The following ITGA5 variants were observed in gnomAD, a reference collection of about 807,000 sequenced individuals.
ITGA5 encodes the protein integrin subunit alpha 5, also known as integrin alpha-5.
Under a neutral mutation model 146.3 loss-of-function variants are expected in ITGA5, and 55 were observed. That is an observed-to-expected ratio of 0.38 (90% CI 0.30 to 0.47). The LOEUF (loss-of-function observed/expected upper bound fraction) is 0.47, where lower values mean the gene tolerates loss of function less well. Among genes scored for constraint, ITGA5 ranks in the 20% least tolerant of loss-of-function variants. The pLI is 0.99. For missense variants in ITGA5, 1,131 were observed against 1,329.0 expected (o/e 0.85, Z 2.32); for synonymous variants, 500 against 531.8 (o/e 0.94, Z 0.82).
Position 54,403,957 on chromosome 12 carries a change from A to G in ITGA5, c.1575T>C (p.Leu525=), listed in dbSNP as rs375671275. 1 of 1,614,198 alleles carries G rather than the reference A, an allele frequency of 6.2e-7. No homozygotes were observed. The highest frequency in any genetic ancestry group is 1.1e-5 in the South Asian group (1 of 91,090). ...TTCCAGAAGCATTGAGGCAGAAGCT[A>G]AGGTTGATGCTGGAGAGAGACCAAG... ...LEGNPVACIN[L]SFCLNASGKH... Residue 525 remains leucine (L), a synonymous_variant, in exon 16 of 30, where the codon CTT becomes CTC. Transcript: ENST00000293379. The surrounding 1 kb of genome is among the most constrained non-coding windows in gnomAD (Gnocchi z 4.9).
chr12:54,401,024 AGAAG>A lies in ITGA5; in HGVS notation c.2494-33_2494-30del, dbSNP rs1420791511. ...AGGAGGGAAGAGCACAATCATCATG[AGAAG>A]GAAGGGAATGCTTCTGCCCCATTGA... On this transcript the variant is annotated intron_variant, in intron 24 of 29. Transcript: ENST00000293379. The surrounding 1 kb of genome is among the most constrained non-coding windows in gnomAD (Gnocchi z 5.0). The A allele has an allele frequency of 1.2e-6, 2 of 1,608,548 alleles. No homozygotes were observed. Among genetic ancestry groups the A allele is most frequent in the Admixed American group, 1.7e-5 (1 of 59,282 alleles).
chr12:54,406,086 A>G (rs1005496839), intron 9 of ITGA5, 160 bp from the exon 10 acceptor site: 2 of 657,608 alleles, frequency 3.0e-6, no homozygotes, highest in Non-Finnish European at 5.5e-6. Context: ...TCCCACCTCT[A>G]TGCCAGGTAG....
chr12:54,405,334 G>A lies in ITGA5; in HGVS notation c.1057C>T (p.Arg353Trp). ...LLVGAPLLMD[R>W]TPDGRPQEVG... ...TCCTGAGGCCGCCCGTCAGGGGTCC[G>A]ATCCATGAGCAGGGGTGCCCCCACC... Residue 353 changes from arginine to tryptophan, a missense_variant, in exon 12 of 30, where the codon CGG (arginine) becomes TGG (tryptophan). Around this residue, in one of 3 missense-constraint regions of ITGA5, gnomAD observed 889 missense variants for 1,021.5 expected, o/e 0.87. Transcript: ENST00000293379. 5 of 1,611,982 alleles carry A rather than the reference G, an allele frequency of 3.1e-6. No homozygotes were observed. Among genetic ancestry groups the A allele is most frequent in the Non-Finnish European group, 3.4e-6 (4 of 1,179,636 alleles).
intron 1 of ITGA5, among the ~76,000 whole-genome samples, chr12:54,415,896 T>C (rs1592294937): frequency 6.6e-6 from 1 of 152,236 alleles, no homozygotes; most frequent in Non-Finnish European, 1.5e-5. Flanking sequence ...GAGCTGAGAC[T>C]GGCCTGCCTC....
At chr12:54,404,321 C>T (rs1374622432) in intron 14 of ITGA5, 75 bp from the exon 15 acceptor site, 46 of 1,564,084 alleles carry the variant, frequency 2.9e-5, no homozygotes, top group African/African-American at 1.1e-4. Flanking sequence ...GATGCCCAAG[C>T]GCCAGAATGT....
chr12:54,401,718 G>A lies in ITGA5; in HGVS notation c.2307-53C>T, dbSNP rs1226887017. ...CTGGAGTGCAGCCAGTGAGAATGGC[G>A]CCCAGCCCTCCCTTCCGTCCCCAGC... is the stretch of plus-strand genomic sequence containing the variant. On this transcript the variant is annotated intron_variant, in intron 22 of 29. Coordinates refer to ENST00000293379, the MANE Select transcript of ITGA5 (RefSeq NM_002205.5). This position sits in a 1 kb window ranked among gnomAD's most constrained non-coding sequence, Gnocchi z 5.0. 25 of 1,609,192 alleles carry A rather than the reference G, an allele frequency of 1.6e-5. No homozygotes were observed. The highest frequency in any genetic ancestry group is 1.6e-4 in the Middle Eastern group (1 of 6,072).
At chr12:54,407,955 C>A in intron 7 of ITGA5, 79 bp from the exon 8 acceptor site, 1 of 1,519,618 alleles carries the variant, frequency 6.6e-7, no homozygotes. Flanking sequence ...AATCCCTTCC[C>A]CACCCCTACT....
rs555285728 is a variant in ITGA5, at chr12:54,395,355, AG to A, written c.*937del. ...GGGTGTCTGGTGCCAAGGTGAGGGA[AG>A]GGTTGGGCAGAGAGATGAGGGGCAG... is the stretch of plus-strand genomic sequence containing the variant. On this transcript the variant is annotated 3_prime_UTR_variant, in exon 30 of 30. Transcript: ENST00000293379. 4 of 152,670 alleles carry A rather than the reference AG, an allele frequency of 2.6e-5. No individual in the cohort carries two copies. The highest frequency in any genetic ancestry group is 5.9e-5 in the Non-Finnish European group (4 of 68,070). The allele number at this position is 152,670 out of a possible 1,614,324, so 9.5% of individuals were successfully genotyped here. A position where few individuals can be genotyped will look rare whatever the true frequency, so the allele number is the denominator to read the frequency against.
intron 25 of ITGA5, 74 bp downstream of exon 25, chr12:54,400,772 C>A (rs1955775104): frequency 1.3e-6 from 2 of 1,497,966 alleles, no homozygotes; most frequent in South Asian, 1.2e-5. Flanking sequence ...AGGCCCCCAG[C>A]AACCTTCCCC....
chr12:54,412,072 T>C (rs1441807915), intron 1 of ITGA5, 108 bp from the exon 2 acceptor site: 2 of 818,030 alleles, frequency 2.4e-6, no homozygotes, highest in Non-Finnish European at 3.6e-6. Context: ...GGGGGTGGAG[T>C]AGATGCCCCC....
intron 6 of ITGA5, among the ~76,000 whole-genome samples, 199 bp downstream of exon 6, chr12:54,408,557 C>T (rs2120534377): frequency 6.6e-6 from 1 of 152,068 alleles, no homozygotes; most frequent in Non-Finnish European, 1.5e-5. Flanking sequence ...GAAACCCCTT[C>T]TCTACTAAAA....
Position 54,399,739 on chromosome 12 carries a change from C to T in ITGA5, c.2747G>A (p.Cys916Tyr). 1 of 1,614,184 alleles carries T rather than the reference C, an allele frequency of 6.2e-7. No individual in the cohort carries two copies. The highest frequency in any genetic ancestry group is 8.5e-7 in the Non-Finnish European group (1 of 1,180,010). Residue 916 changes from cysteine (C) to tyrosine (Y), a missense_variant, in exon 27 of 30, where the codon TGT (cysteine) becomes TAT (tyrosine). Cys to Tyr is a radical substitution (Grantham distance 194, BLOSUM62 -2). Coordinates refer to ENST00000293379, the MANE Select transcript of ITGA5 (RefSeq NM_002205.5). ...PQILKCPEAE[C>Y]FRLRCELGPL... ...CCCGAGCTCACAGCGCAGCCTGAAACACTCAGCCTCCGGGCATTTCTAGGA... is the reference window on the plus strand; with the variant it reads ...CCCGAGCTCACAGCGCAGCCTGAAATACTCAGCCTCCGGGCATTTCTAGGA...
rs372592237 is a variant in ITGA5 at position 54,396,879 on chromosome 12, T to C, written c.3066+486A>G. Among the ~76,000 whole-genome samples, 113 of 152,098 alleles carry C rather than the reference T, an allele frequency of 7.4e-4. 4 individuals carry two copies. The South Asian group carries it at 0.022, about 30-fold the overall frequency. On this transcript the variant is annotated intron_variant, in intron 29 of 29. Coordinates refer to ENST00000293379, the MANE Select transcript of ITGA5 (RefSeq NM_002205.5). ...TTGTGTTTTTTTTGTAGAGACAAGGTCCTAGTGTGTTACCCAGGCTGGTCT... is the reference window on the plus strand; with the variant it reads ...TTGTGTTTTTTTTGTAGAGACAAGGCCCTAGTGTGTTACCCAGGCTGGTCT...
intron 25 of ITGA5, chr12:54,400,365 C>A (rs563657467): frequency 4.9e-6 from 1 of 202,088 alleles, no homozygotes; most frequent in Non-Finnish European, 1.0e-5. Context: ...ACCTTTCAAT[C>A]CCTGTTAATT....
At chr12:54,414,059 T>C (rs1406194931) in intron 1 of ITGA5, among the ~76,000 whole-genome samples, 1 of 152,192 alleles carries the variant, frequency 6.6e-6, no homozygotes, top group East Asian at 1.9e-4. Context: ...GGCATATCCA[T>C]TCCGGCTGTG....
At chr12:54,400,107 AAAAT>A (rs1209799092) in intron 25 of ITGA5, 160 bp from the exon 26 acceptor site, 1 of 604,240 alleles carries the variant, frequency 1.7e-6, no homozygotes, top group Admixed American at 2.9e-5. Context: ...GCTCAGGGTT[AAAAT>A]ATGGAAATGA....
chr12:54,411,074 A>G (rs542683423), intron 2 of ITGA5, among the ~76,000 whole-genome samples: 1 of 151,436 alleles, frequency 6.6e-6, no homozygotes, highest in East Asian at 2.0e-4. Flanking sequence ...GTTGGCCAGG[A>G]TGGTCTTGAA....
chr12:54,400,693 G>A (rs1172198298), intron 25 of ITGA5, 153 bp downstream of exon 25: 3 of 649,296 alleles, frequency 4.6e-6, no homozygotes, highest in South Asian at 2.1e-5. Context: ...TCCTCCAGAG[G>A]ATTTTGAGGT....
rs547908593 is a variant in ITGA5, at chr12:54,401,170, C to T, written c.2494-175G>A. Among the ~76,000 whole-genome samples, 1 of 152,338 alleles carries T rather than the reference C, an allele frequency of 6.6e-6. No homozygotes were observed. The highest frequency in any genetic ancestry group is 2.1e-4 in the South Asian group (1 of 4,830). On this transcript the variant is annotated intron_variant, in intron 24 of 29. Coordinates refer to ENST00000293379, the MANE Select transcript of ITGA5 (RefSeq NM_002205.5). The surrounding 1 kb of genome is among the most constrained non-coding windows in gnomAD (Gnocchi z 5.0). Reference sequence around the variant, plus strand: ...CTCTAGCCAACACTTTTGGAGGGGGCTCCATCTTTCTTTCCAAGCCACTCA... The same window carrying T: ...CTCTAGCCAACACTTTTGGAGGGGGTTCCATCTTTCTTTCCAAGCCACTCA...
Sources: allele counts gnomAD v4.1 joint callset (sites outside exome capture counted in the v4.1 genomes callset), GRCh38; gene constraint gnomAD v4.1.1; regional missense constraint gnomAD v4.1.1; non-coding constraint Gnocchi (gnomAD v3.1); transcripts MANE v1.5; gene names NCBI Gene and HGNC (gene_info 2026-07-23, HGNC 2026-07-21).